Variants in TJP1 observed in about 807,000 individuals in gnomAD.
TJP1 encodes tight junction protein ZO-1.
TJP1 carries 43 observed loss-of-function variants against 194.2 expected under a neutral mutation model. The ratio of observed to expected loss-of-function variants is 0.22; its 90% CI spans 0.17 to 0.29. The LOEUF is 0.29. Among genes scored for constraint, TJP1 ranks in the 10% least tolerant of loss-of-function variants. The pLI, the probability that TJP1 is intolerant of heterozygous loss-of-function variation, is 1.00. For missense variants in TJP1, 1,971 were observed against 2,185.7 expected (o/e 0.90, Z 1.96); for synonymous variants, 801 against 779.0 (o/e 1.03, Z -0.47).
intron 25 of TJP1, among the ~76,000 whole-genome samples, chr15:29,706,952 G>A (rs1298113249): frequency 1.3e-5 from 2 of 152,170 alleles, no homozygotes; most frequent in African/African-American, 2.4e-5. Context: ...ACCGTGCCTG[G>A]CTGTTCTTCC....
chr15:29,954,600 T>G (rs917703312), intron 2 of TJP1, among the ~76,000 whole-genome samples: 1 of 152,218 alleles, frequency 6.6e-6, no homozygotes, highest in Non-Finnish European at 1.5e-5. Context: ...AAGAATTTAC[T>G]GTCTTTTTAT....
intron 2 of TJP1, among the ~76,000 whole-genome samples, chr15:29,865,477 G>T (rs192792020): frequency 6.6e-6 from 1 of 152,204 alleles, no homozygotes; most frequent in African/African-American, 2.4e-5. Flanking sequence ...AGGAAGGAAA[G>T]TTGCCATATC....
Position 29,822,412 on chromosome 15 carries a change from G to T in TJP1, c.-384C>A. The T allele has an allele frequency of 1.0e-6, 1 of 994,570 alleles. No homozygotes were observed. 61.6% of individuals were successfully genotyped at this position (994,570 alleles called of 1,614,324 possible). On this transcript the variant is annotated 5_prime_UTR_variant, in exon 1 of 28. Coordinates refer to ENST00000614355, the MANE Select transcript of TJP1 (RefSeq NM_001330239.4). ...CCACGTAACTTCCCGGGAACCGGCG[G>T]CCGCCAAGGAACGCGGCGTCCGCTG...
intron 2 of TJP1, among the ~76,000 whole-genome samples, chr15:29,791,284 C>T (rs1320310798): frequency 6.6e-6 from 1 of 151,980 alleles, no homozygotes; most frequent in Admixed American, 6.6e-5. Flanking sequence ...ACCTTGCCCT[C>T]CCAAAGTGCT....
intron 2 of TJP1, among the ~76,000 whole-genome samples, chr15:29,794,242 C>G (rs1015762401): frequency 1.3e-5 from 2 of 152,114 alleles, no homozygotes; most frequent in Admixed American, 1.3e-4. Context: ...TTGATTTTGT[C>G]ATAGTCTCTC....
chr15:29,709,297 AG>A (rs2042097620), intron 24 of TJP1, among the ~76,000 whole-genome samples: 1 of 152,196 alleles, frequency 6.6e-6, no homozygotes, highest in South Asian at 2.1e-4. Flanking sequence ...GATTGGCACT[AG>A]TCTTTGTGAA....
chr15:29,750,133 G>A (rs1017205172), intron 8 of TJP1, among the ~76,000 whole-genome samples: 6 of 151,794 alleles, frequency 4.0e-5, no homozygotes, highest in South Asian at 2.1e-4. Flanking sequence ...TCAGTCTCCC[G>A]AGCAGCTGGA....
intron 1 of TJP1, among the ~76,000 whole-genome samples, chr15:29,803,152 C>T (rs1404758580): frequency 6.6e-6 from 1 of 152,138 alleles, no homozygotes; most frequent in East Asian, 1.9e-4. Context: ...ATTTTTCTAT[C>T]AGGTGTTTTA....
At chr15:29,909,256 T>C (rs2053938176) in intron 2 of TJP1, among the ~76,000 whole-genome samples, 1 of 149,030 alleles carries the variant, frequency 6.7e-6, no homozygotes, top group Admixed American at 6.8e-5. Flanking sequence ...GAGAATCGCT[T>C]GAACCCAGGA....
chr15:29,943,089 A>T (rs558702856), intron 2 of TJP1, among the ~76,000 whole-genome samples: 10 of 152,322 alleles, frequency 6.6e-5, no homozygotes, highest in Admixed American at 4.6e-4. Flanking sequence ...GTGATAAGAC[A>T]CTGGTGAAAC....
At chr15:29,742,290 CATAAA>C (rs2151349190) in intron 9 of TJP1, among the ~76,000 whole-genome samples, 1 of 152,040 alleles carries the variant, frequency 6.6e-6, no homozygotes, top group Admixed American at 6.6e-5. Flanking sequence ...AGGTATACTC[CATAAA>C]ATGTTTATGA....
At chr15:29,706,339 G>T (rs1397609122) in intron 25 of TJP1, among the ~76,000 whole-genome samples, 1 of 152,206 alleles carries the variant, frequency 6.6e-6, no homozygotes, top group Admixed American at 6.5e-5. Context: ...CTTCATTAAT[G>T]AATTGCAACC....
At chr15:29,824,107 A>AAAAG (rs1567108030), upstream of TJP1, 6 of 138,098 alleles carry the variant, frequency 4.3e-5, no homozygotes, top group African/African-American at 1.5e-4. Flanking sequence ...AAAAAAAAAA[A>AAAAG]AAAAAAAAAA....
At chr15:29,788,661 C>G (rs545173599) in intron 2 of TJP1, among the ~76,000 whole-genome samples, 23 of 152,306 alleles carry the variant, frequency 1.5e-4, no homozygotes, top group Admixed American at 1.2e-3. Flanking sequence ...TTAAAATTAC[C>G]TGACTAGTTT....
At chr15:29,722,339 T>A (rs1421299977) in intron 18 of TJP1, among the ~76,000 whole-genome samples, 1 of 152,202 alleles carries the variant, frequency 6.6e-6, no homozygotes, top group Non-Finnish European at 1.5e-5. Flanking sequence ...CATGGTGCCC[T>A]GCATCATGGC....
intron 2 of TJP1, among the ~76,000 whole-genome samples, chr15:29,940,012 T>C (rs2055014399): frequency 6.6e-6 from 1 of 152,258 alleles, no homozygotes; most frequent in South Asian, 2.1e-4. Flanking sequence ...ACTCTGGAAA[T>C]AGAGCCACTG....
chr15:29,717,961 G>A (rs755333704), intron 22 of TJP1, 60 bp downstream of exon 22: 114 of 1,423,196 alleles, frequency 8.0e-5, no homozygotes, highest in Non-Finnish European at 1.1e-4. Flanking sequence ...TTTTCTTATT[G>A]ACTAAGAGGG....
intron 8 of TJP1, 84 bp from the exon 9 acceptor site, chr15:29,742,865 T>C (rs2044517217): frequency 7.2e-6 from 9 of 1,252,176 alleles, no homozygotes; most frequent in Admixed American, 6.1e-5. Flanking sequence ...GAAGAGGCAA[T>C]GCAACTTCAA....
At chr15:29,819,198 A>AT (rs1315710271) in intron 1 of TJP1, among the ~76,000 whole-genome samples, 4 of 151,676 alleles carry the variant, frequency 2.6e-5, no homozygotes, top group Admixed American at 2.0e-4. Flanking sequence ...ATTTCCTTTG[A>AT]TTTTTTTTAG....
Sources: allele counts gnomAD v4.1 joint callset (sites outside exome capture counted in the v4.1 genomes callset), GRCh38; gene constraint gnomAD v4.1.1; transcripts MANE v1.5; gene names NCBI Gene and HGNC (gene_info 2026-07-23, HGNC 2026-07-21).